Variants in MCTP2 observed in about 807,000 individuals in gnomAD.
MCTP2 encodes multiple C2 and transmembrane domain containing 2, also known as multiple C2 and transmembrane domain-containing protein 2.
MCTP2 carries 132 observed loss-of-function variants against 111.6 expected under a neutral mutation model. The observed-to-expected ratio is 1.18, with a 90% CI of 1.03 to 1.37. The LOEUF (loss-of-function observed/expected upper bound fraction) is 1.37. MCTP2 is among the 40% of genes most tolerant of loss of function. The pLI is 0.00. For synonymous variants in MCTP2, 395 were observed against 387.7 expected (o/e 1.02, Z -0.22); for missense variants, 1,183 against 1,067.9 (o/e 1.11, Z -1.50).
intron 2 of MCTP2, among the ~76,000 whole-genome samples, chr15:94,300,886 G>A (rs959895302): frequency 6.6e-6 from 1 of 152,142 alleles, no homozygotes; most frequent in African/African-American, 2.4e-5. Flanking sequence ...TGGGGGTGAT[G>A]AGTGTTTTGC....
intron 1 of MCTP2, among the ~76,000 whole-genome samples, chr15:94,284,280 C>A (rs1169125414): frequency 6.6e-6 from 1 of 152,202 alleles, no homozygotes. Flanking sequence ...ACCAAATATT[C>A]TTCACCCATT....
chr15:94,374,196 A>G (rs2079631960), intron 12 of MCTP2, among the ~76,000 whole-genome samples: 1 of 152,232 alleles, frequency 6.6e-6, no homozygotes, highest in Non-Finnish European at 1.5e-5. Flanking sequence ...AGAAAATACA[A>G]AGTTAATCTC....
At chr15:94,466,147 G>A (rs1196348823) in intron 20 of MCTP2, among the ~76,000 whole-genome samples, 2 of 151,900 alleles carry the variant, frequency 1.3e-5, no homozygotes, top group Non-Finnish European at 2.9e-5. Context: ...ATATCTTCAA[G>A]CATCTCTTAC....
intron 10 of MCTP2, among the ~76,000 whole-genome samples, chr15:94,367,206 A>G (rs2079231182): frequency 6.6e-6 from 1 of 151,912 alleles, no homozygotes; most frequent in African/African-American, 2.4e-5. Context: ...GTTTTGAGCC[A>G]TGATCCTTTA....
chr15:94,331,764 C>T (rs963150269), intron 4 of MCTP2, among the ~76,000 whole-genome samples: 2 of 152,042 alleles, frequency 1.3e-5, no homozygotes, highest in South Asian at 2.1e-4. Context: ...AGACCTTGCC[C>T]GAGGAGCCAA....
intron 4 of MCTP2, among the ~76,000 whole-genome samples, chr15:94,322,438 T>G (rs1026153525): frequency 3.3e-5 from 5 of 152,238 alleles, no homozygotes; most frequent in Non-Finnish European, 7.3e-5. Flanking sequence ...AGTAGACTTT[T>G]TATGGCTTTA....
intron 4 of MCTP2, among the ~76,000 whole-genome samples, chr15:94,337,565 G>C (rs1219616472): frequency 1.3e-5 from 2 of 151,372 alleles, no homozygotes; most frequent in African/African-American, 4.9e-5. Context: ...TCTGCTGTAG[G>C]AGGGAGGGGG....
intron 1 of MCTP2, among the ~76,000 whole-genome samples, chr15:94,287,898 G>A (rs1185729969): frequency 1.3e-5 from 2 of 152,132 alleles, no homozygotes; most frequent in Non-Finnish European, 2.9e-5. Context: ...TCTAGCTGTG[G>A]CCCAAGGAGA....
intron 17 of MCTP2, among the ~76,000 whole-genome samples, chr15:94,410,413 C>T (rs1280928372): frequency 6.6e-6 from 1 of 152,114 alleles, no homozygotes; most frequent in African/African-American, 2.4e-5. Flanking sequence ...TGATGATACT[C>T]TTCATGCTTG....
At chr15:94,386,625 A>G (rs1357180290) in intron 14 of MCTP2, among the ~76,000 whole-genome samples, 3 of 151,886 alleles carry the variant, frequency 2.0e-5, no homozygotes, top group Non-Finnish European at 2.9e-5. Context: ...GGAGATGGCA[A>G]TTTGGGATTT....
intron 1 of MCTP2, among the ~76,000 whole-genome samples, chr15:94,284,788 G>T (rs2074672432): frequency 6.6e-6 from 1 of 152,016 alleles, no homozygotes; most frequent in Non-Finnish European, 1.5e-5. Context: ...GAGCTTATTG[G>T]CCCAGGGATC....
intron 1 of MCTP2, among the ~76,000 whole-genome samples, chr15:94,285,157 C>G (rs540494385): frequency 3.0e-4 from 45 of 152,182 alleles, no homozygotes; most frequent in Non-Finnish European, 5.9e-4. Flanking sequence ...CAAGAGTTCT[C>G]TCTCTGTGGA....
At chr15:94,377,285 A>G (rs1008901595) in intron 12 of MCTP2, among the ~76,000 whole-genome samples, 1 of 152,220 alleles carries the variant, frequency 6.6e-6, no homozygotes, top group Non-Finnish European at 1.5e-5. Flanking sequence ...TGCAGTTTCT[A>G]GAAAGCTCAG....
chr15:94,356,984 C>A lies in MCTP2; in HGVS notation c.1170+683C>A, dbSNP rs1281979824. Among the ~76,000 whole-genome samples, 8 of 151,946 alleles carry A rather than the reference C, an allele frequency of 5.3e-5. No homozygotes were observed. In the South Asian group the frequency reaches 1.7e-3, roughly 32 times the overall value. ...CATAACTGTCAGACAGGAATATTTC[C>A]TATGTTTTATGGATTGAAGGAGCTC... On this transcript the variant is annotated intron_variant, in intron 9 of 22. Transcript: ENST00000357742.
rs112681641 is a variant in MCTP2 at position 94,415,772 on chromosome 15, A to T, written c.2085+13753A>T. The stretch of plus-strand genomic sequence containing the variant: ...TAAACTTCAAATGATACACAGACAC[A>T]TTTGAAAAAAGATCTCCTCTCTGCA... On this transcript the variant is annotated intron_variant, in intron 17 of 22. Transcript: ENST00000357742. Among the ~76,000 whole-genome samples the T allele has an allele frequency of 7.8e-3, 1,190 of 152,216 alleles. 10 individuals carry two copies. Among genetic ancestry groups the T allele is most frequent in the African/African-American group, 0.027 (1,142 of 41,528 alleles).
intron 14 of MCTP2, among the ~76,000 whole-genome samples, chr15:94,387,867 G>A (rs1383348178): frequency 6.6e-6 from 1 of 152,196 alleles, no homozygotes; most frequent in Non-Finnish European, 1.5e-5. Flanking sequence ...AACGTAAGGA[G>A]GTGAGGGAGA....
At chr15:94,315,884 G>C (rs2076357362) in intron 4 of MCTP2, among the ~76,000 whole-genome samples, 1 of 152,190 alleles carries the variant, frequency 6.6e-6, no homozygotes, top group Non-Finnish European at 1.5e-5. Context: ...AATGGAATGA[G>C]ATAACTCTGA....
chr15:94,236,295 G>A (rs1177244129), intron 1 of MCTP2, among the ~76,000 whole-genome samples: 2 of 148,706 alleles, frequency 1.3e-5, no homozygotes, highest in African/African-American at 2.5e-5. Context: ...ATATTCAGAA[G>A]AGCTGTGCCT....
At chr15:94,311,992 C>G (rs917305047) in intron 2 of MCTP2, among the ~76,000 whole-genome samples, 4 of 152,268 alleles carry the variant, frequency 2.6e-5, no homozygotes, top group African/African-American at 7.2e-5. Context: ...TGGCTAATGA[C>G]ATAACACTTT....
Sources: gnomAD v4.1 joint callset for allele counts (sites outside exome capture counted in the v4.1 genomes callset) on GRCh38, gnomAD v4.1.1 for gene constraint, MANE v1.5 for transcripts, NCBI Gene and HGNC (gene_info 2026-07-23, HGNC 2026-07-21) for gene names.